NRG3: variants seen among roughly 807,000 people sequenced by gnomAD.
NRG3 encodes neuregulin 3.
NRG3 carries 31 observed loss-of-function variants against 66.9 expected under a neutral mutation model. The ratio of observed to expected loss-of-function variants is 0.46; its 90% CI spans 0.35 to 0.63. The LOEUF (loss-of-function observed/expected upper bound fraction) is 0.63, where lower values mean the gene tolerates loss of function less well. Among genes scored for constraint, NRG3 ranks in the 20% least tolerant of loss-of-function variants. The probability of loss-of-function intolerance (pLI) is 0.00; values close to 1 mark genes in which losing one functional copy is unlikely to be tolerated. For missense variants in NRG3, 910 were observed against 878.9 expected, an observed-to-expected ratio of 1.04 and a Z score of -0.45; for synonymous variants, 393 against 359.4, an observed-to-expected ratio of 1.09 and a Z score of -1.06.
intron 1 of NRG3, among the ~76,000 whole-genome samples, chr10:82,271,791 A>C (rs1028910328): frequency 6.6e-6 from 1 of 152,108 alleles, no homozygotes; most frequent in African/African-American, 2.4e-5. Flanking sequence ...CTTTCTAAGG[A>C]AGTTTACTCT....
intron 4 of NRG3, among the ~76,000 whole-genome samples, chr10:82,892,144 A>T (rs1843208303): frequency 6.6e-6 from 1 of 152,178 alleles, no homozygotes; most frequent in Non-Finnish European, 1.5e-5. Context: ...ATTGCTAGAT[A>T]TAAGAGTTCT....
rs1052025490 is a variant in NRG3, at chr10:82,817,763, A to G, written c.1028-47648A>G. Among the ~76,000 whole-genome samples, 6 of 152,384 alleles carry G rather than the reference A, an allele frequency of 3.9e-5. No homozygotes were observed. The East Asian group carries it at 5.8e-4, about 15-fold the overall frequency. On this transcript the variant is annotated intron_variant, in intron 3 of 8. Transcript: ENST00000372141. ...CTGGGGAGTTCTCTACTGAAAAGAC[A>G]TTAGAGCCTTTCTCCCTTGCTTCTT...
intron 2 of NRG3, among the ~76,000 whole-genome samples, chr10:82,439,742 G>A (rs946171864): frequency 1.3e-5 from 2 of 151,780 alleles, no homozygotes; most frequent in South Asian, 2.1e-4. Context: ...TGTGTTCTTG[G>A]AATAAAATTA....
chr10:81,965,079 G>A (rs557425282), intron 1 of NRG3, among the ~76,000 whole-genome samples: 1 of 152,248 alleles, frequency 6.6e-6, no homozygotes, highest in East Asian at 1.9e-4. Context: ...CAAATACAAG[G>A]GTAAAGAAAA....
At chr10:82,178,114 AAAAT>A (rs1424598115) in intron 1 of NRG3, among the ~76,000 whole-genome samples, 4 of 152,208 alleles carry the variant, frequency 2.6e-5, no homozygotes, top group Non-Finnish European at 4.4e-5. Context: ...GTAGAAAATA[AAAAT>A]AAAACCAATG....
intron 6 of NRG3, among the ~76,000 whole-genome samples, chr10:82,959,947 G>A (rs952563047): frequency 2.6e-5 from 4 of 152,116 alleles, no homozygotes; most frequent in Admixed American, 6.5e-5. Flanking sequence ...ACCCCACACA[G>A]CATCCGCACT....
At chr10:82,504,639 A>G (rs1565000589) in intron 2 of NRG3, among the ~76,000 whole-genome samples, 1 of 152,240 alleles carries the variant, frequency 6.6e-6, no homozygotes, top group Non-Finnish European at 1.5e-5. Flanking sequence ...TAAGCAGAAT[A>G]ACAAAATCTG....
chr10:82,769,182 G>A (rs565842965), intron 3 of NRG3, among the ~76,000 whole-genome samples: 1 of 152,200 alleles, frequency 6.6e-6, no homozygotes, highest in Non-Finnish European at 1.5e-5. Flanking sequence ...TTTGCCATTA[G>A]AAGTCATTTT....
At chr10:82,657,566 T>G (rs1368520429) in intron 2 of NRG3, among the ~76,000 whole-genome samples, 1 of 152,052 alleles carries the variant, frequency 6.6e-6, no homozygotes, top group African/African-American at 2.4e-5. Flanking sequence ...CTGCAAGTTG[T>G]GTAACTTGCA....
intron 1 of NRG3, chr10:82,232,691 A>C (rs2057667884): frequency 1.4e-6 from 1 of 714,688 alleles, no homozygotes; most frequent in Admixed American, 2.0e-5. Context: ...ATGGGGCTAC[A>C]AGAGGAGACA....
At chr10:82,984,900 TG>T (rs1853298753) in intron 8 of NRG3, 197 bp from the exon 9 acceptor site, 2 of 1,351,476 alleles carry the variant, frequency 1.5e-6, no homozygotes, top group East Asian at 4.6e-5. Context: ...TTATTTTCTG[TG>T]TGACCTTGGG....
intron 3 of NRG3, among the ~76,000 whole-genome samples, chr10:82,863,597 C>G (rs2064258442): frequency 6.6e-6 from 1 of 152,170 alleles, no homozygotes; most frequent in African/African-American, 2.4e-5. Context: ...ATTTGCATTT[C>G]TCTAATGACC....
chr10:82,875,173 G>A (rs1024090968), intron 4 of NRG3, among the ~76,000 whole-genome samples: 1 of 152,136 alleles, frequency 6.6e-6, no homozygotes, highest in Non-Finnish European at 1.5e-5. Flanking sequence ...TGGTTCTACT[G>A]TACATGCCAT....
intron 2 of NRG3, among the ~76,000 whole-genome samples, chr10:82,674,478 A>C (rs922579760): frequency 2.6e-5 from 4 of 152,014 alleles, no homozygotes; most frequent in African/African-American, 9.7e-5. Context: ...CCCGAGAGTC[A>C]TATTTGCCTT....
intron 3 of NRG3, among the ~76,000 whole-genome samples, chr10:82,754,679 C>T (rs191933969): frequency 1.3e-5 from 2 of 152,074 alleles, no homozygotes; most frequent in Non-Finnish European, 2.9e-5. Flanking sequence ...ATTAGCTTTA[C>T]CTTGAGATCC....
chr10:81,969,384 G>T (rs2059844719), intron 1 of NRG3, among the ~76,000 whole-genome samples: 1 of 152,142 alleles, frequency 6.6e-6, no homozygotes, highest in Non-Finnish European at 1.5e-5. Context: ...AAATCAATAG[G>T]TCCCCTGTGC....
chr10:82,931,388 T>A (rs976574957), intron 4 of NRG3, among the ~76,000 whole-genome samples: 2 of 152,160 alleles, frequency 1.3e-5, no homozygotes, highest in African/African-American at 4.8e-5. Flanking sequence ...CAGACACAAT[T>A]TGGGTTGGAA....
At chr10:82,200,664 G>C (rs960991978) in intron 1 of NRG3, among the ~76,000 whole-genome samples, 8 of 152,156 alleles carry the variant, frequency 5.3e-5, no homozygotes, top group African/African-American at 1.9e-4. Context: ...CATGCCCGAA[G>C]TCAAGCAGCT....
intron 2 of NRG3, among the ~76,000 whole-genome samples, chr10:82,738,235 C>G (rs1031913506): frequency 8.2e-4 from 79 of 96,440 alleles, no homozygotes; most frequent in Non-Finnish European, 1.5e-3. Flanking sequence ...TTTTAGAGAC[C>G]AGTGTGTTGC....
Sources: gnomAD v4.1 joint callset for allele counts (sites outside exome capture counted in the v4.1 genomes callset) on GRCh38, gnomAD v4.1.1 for gene constraint, MANE v1.5 for transcripts, NCBI Gene and HGNC (gene_info 2026-07-23, HGNC 2026-07-21) for gene names.